C1orf174: variants seen among roughly 807,000 people sequenced by gnomAD.
C1orf174 encodes chromosome 1 open reading frame 174.
A neutral mutation model predicts 18.4 loss-of-function variants in C1orf174; 13 were observed. That is an observed-to-expected ratio of 0.71 (90% CI 0.46 to 1.12). The LOEUF (loss-of-function observed/expected upper bound fraction) is 1.12, where lower values mean the gene tolerates loss of function less well. Among genes scored for constraint, C1orf174 ranks in the 50% most tolerant of loss-of-function variants. The pLI, the probability that C1orf174 is intolerant of heterozygous loss-of-function variation, is 0.00. For synonymous variants in C1orf174, 100 were observed against 118.3 expected (o/e 0.85, Z 1.01); for missense variants, 309 against 308.0 (o/e 1.00, Z -0.02).
chr1:3,898,105 C>T (rs778158124), intron 1 of C1orf174, among the ~76,000 whole-genome samples: 69 of 152,234 alleles, frequency 4.5e-4, no homozygotes, highest in Middle Eastern at 3.2e-3. Flanking sequence ...AAGAAAGCCA[C>T]TTAGAAGGGA....
intron 1 of C1orf174, among the ~76,000 whole-genome samples, chr1:3,899,887 G>C (rs959694067): frequency 1.3e-5 from 2 of 151,692 alleles, no homozygotes; most frequent in Non-Finnish European, 2.9e-5. Context: ...ATTCTGCGGG[G>C]GTGGGTAACC....
intron 1 of C1orf174, among the ~76,000 whole-genome samples, chr1:3,898,832 G>A (rs1266292588): frequency 6.6e-6 from 1 of 152,178 alleles, no homozygotes; most frequent in African/African-American, 2.4e-5. Flanking sequence ...AATGACCACA[G>A]ACAGAAAGTA....
chr1:3,898,815 C>A (rs892941762), intron 1 of C1orf174, among the ~76,000 whole-genome samples: 3 of 152,184 alleles, frequency 2.0e-5, no homozygotes, highest in Non-Finnish European at 2.9e-5. Context: ...CCCCTGCTGG[C>A]TAAGGAAATG....
chr1:3,898,408 G>A (rs756441143), intron 1 of C1orf174, among the ~76,000 whole-genome samples: 17 of 152,126 alleles, frequency 1.1e-4, no homozygotes, highest in Non-Finnish European at 2.4e-4. Flanking sequence ...CATTCCAGAG[G>A]CTGAGGTGAG....
In C1orf174 at chr1:3,889,203, A is replaced by G. The variant is rs1486579104; in HGVS notation, c.*757T>C. 1 of 152,220 alleles carries G rather than the reference A, an allele frequency of 6.6e-6. No individual in the cohort carries two copies. Among genetic ancestry groups the G allele is most frequent in the African/African-American group, 2.4e-5 (1 of 41,452 alleles). 9.4% of individuals were successfully genotyped at this position (152,220 alleles called of 1,614,324 possible). On this transcript the variant is annotated 3_prime_UTR_variant, in exon 4 of 4. Transcript: ENST00000361605. ...AATTTCCAAGGTAAACATTAGCTCC[A>G]CATACAGAAATAAAAGAGTTCTTTA...
At chr1:3,892,628 G>A in intron 2 of C1orf174, 2 of 1,103,806 alleles carry the variant, frequency 1.8e-6, no homozygotes, top group Non-Finnish European at 2.4e-6. Context: ...GGGTGGGCGG[G>A]TGCTAGGATC....
intron 1 of C1orf174, among the ~76,000 whole-genome samples, chr1:3,899,201 A>G (rs779493520): frequency 6.6e-6 from 1 of 152,262 alleles, no homozygotes; most frequent in Non-Finnish European, 1.5e-5. Flanking sequence ...CAGTGTATCA[A>G]TAATATTAAA....
chr1:3,893,100 C>A, intron 1 of C1orf174, 104 bp from the exon 2 acceptor site: 1 of 1,226,476 alleles, frequency 8.2e-7, no homozygotes. Flanking sequence ...GCCCCTCCCA[C>A]TCCCAGGATT....
At chr1:3,890,170 G>A (rs1411307836) in intron 3 of C1orf174, 97 bp from the exon 4 acceptor site, 5 of 943,254 alleles carry the variant, frequency 5.3e-6, no homozygotes, top group Admixed American at 2.0e-5. Flanking sequence ...GGCTCGCAGA[G>A]CGCTCTTCCC....
Position 3,889,984 on chromosome 1 carries a change from GTCATCA to G in C1orf174, c.702_707del (p.Asp239_Asp240del), listed in dbSNP as rs761667459. On this transcript the variant is annotated inframe_deletion, in exon 4 of 4. Transcript: ENST00000361605. ...CCTACATTTCTGCATCATCGTCGTC[GTCATCA>G]TCATCATCTTTGGCTCTGAAATGCA... is the stretch of plus-strand genomic sequence containing the variant. 1.2e-6 allele frequency: 2 copies of G among 1,613,834 alleles called. No homozygotes were observed. The highest frequency in any genetic ancestry group is 1.7e-6 in the Non-Finnish European group (2 of 1,179,812).
rs1450554545 is a variant in C1orf174 at position 3,900,256 on chromosome 1, T to C, written c.-70A>G. The C allele has an allele frequency of 2.0e-6, 3 of 1,474,070 alleles. No individual in the cohort carries two copies. The highest frequency in any genetic ancestry group is 1.9e-4 in the Middle Eastern group (1 of 5,182). 91.3% of individuals were successfully genotyped at this position (1,474,070 alleles called of 1,614,324 possible). A position where few individuals can be genotyped will look rare whatever the true frequency, so the allele number is the denominator to read the frequency against. ...GTCCCGGCGGAGCGGCGACCCGGAGTCTGCAGAGCGCGCCGCGGCGGCGTC... is the reference window on the plus strand; with the variant it reads ...GTCCCGGCGGAGCGGCGACCCGGAGCCTGCAGAGCGCGCCGCGGCGGCGTC... On this transcript the variant is annotated 5_prime_UTR_variant, in exon 1 of 4. Transcript: ENST00000361605.
rs1638492253 is a variant in C1orf174, at chr1:3,890,715, T to A, written c.472A>T (p.Thr158Ser). The change falls in exon 3 of 4, where the codon ACT becomes TCT. Residue 158 changes from threonine to serine, a missense_variant. Coordinates refer to ENST00000361605, the MANE Select transcript of C1orf174 (RefSeq NM_207356.3). Reference protein sequence around the residue: ...SGAEESNSSSTVQKQNEPGLQ... With the variant: ...SGAEESNSSSSVQKQNEPGLQ... ...CCTGGCTCATTCTGCTTCTGCACAG[T>A]GGAGCTGCTGTTGGATTCTTCTGCT... 1 of 1,614,006 alleles carries A rather than the reference T, an allele frequency of 6.2e-7. No homozygotes were observed. Among genetic ancestry groups the A allele is most frequent in the African/African-American group, 1.3e-5 (1 of 74,902 alleles).
chr1:3,891,371 A>G (rs1452830465), intron 2 of C1orf174: 1 of 263,986 alleles, frequency 3.8e-6, no homozygotes, highest in Non-Finnish European at 7.1e-6. Flanking sequence ...ATATTTATAT[A>G]TTATACAATT....
chr1:3,892,604 C>A (rs1159365097), intron 2 of C1orf174: 1 of 588,876 alleles, frequency 1.7e-6, no homozygotes, highest in Non-Finnish European at 2.5e-6. Context: ...GGGCCCGGGT[C>A]TAGACACACA....
At chr1:3,893,822 A>G (rs4568776) in intron 1 of C1orf174, among the ~76,000 whole-genome samples, 19,353 of 152,188 alleles carry the variant, frequency 0.13, 1,308 homozygotes, top group East Asian at 0.23. Context: ...ACTTGATCCC[A>G]GGAGTCTGAG....
Position 3,889,787 on chromosome 1 carries a change from G to T in C1orf174, c.*173C>A. 1.5e-6 allele frequency: 1 copy of T among 645,792 alleles called. No individual in the cohort carries two copies. Among genetic ancestry groups the T allele is most frequent in the Non-Finnish European group, 2.8e-6 (1 of 359,304 alleles). The allele number at this position is 645,792 out of a possible 1,614,324, so 40.0% of individuals were successfully genotyped here. On this transcript the variant is annotated 3_prime_UTR_variant, in exon 4 of 4. Transcript: ENST00000361605. The stretch of plus-strand genomic sequence containing the variant: ...AGATGGTTTGAGTTTTAGTTCCCAT[G>T]AGTACATCCTCCACAGGTATTGGGT...
intron 2 of C1orf174, chr1:3,891,356 A>G (rs2124783492): frequency 9.0e-6 from 3 of 332,146 alleles, no homozygotes; most frequent in Non-Finnish European, 1.6e-5. Flanking sequence ...TGAATTCTGA[A>G]GCATATATTT....
intron 1 of C1orf174, chr1:3,895,223 T>G (rs1162545841): frequency 1.3e-5 from 2 of 152,280 alleles, no homozygotes; most frequent in Non-Finnish European, 2.9e-5. Flanking sequence ...GAGGACAACT[T>G]GGGTAAGGAG....
intron 1 of C1orf174, among the ~76,000 whole-genome samples, chr1:3,896,727 A>G (rs1638611647): frequency 6.6e-6 from 1 of 152,236 alleles, no homozygotes; most frequent in Non-Finnish European, 1.5e-5. Flanking sequence ...TTGGACACAG[A>G]ACAAACTAAC....
Sources: allele counts gnomAD v4.1 joint callset (sites outside exome capture counted in the v4.1 genomes callset), GRCh38; gene constraint gnomAD v4.1.1; transcripts MANE v1.5; gene names NCBI Gene and HGNC (gene_info 2026-07-23, HGNC 2026-07-21).